CA6: variants seen among roughly 807,000 people sequenced by gnomAD.
CA6 encodes the protein carbonate dehydratase VI.
CA6 carries 28 observed loss-of-function variants against 35.9 expected under a neutral mutation model. That is an observed-to-expected ratio of 0.78 (90% CI 0.58 to 1.07). The LOEUF (loss-of-function observed/expected upper bound fraction) is 1.07, where lower values mean the gene tolerates loss of function less well. CA6 is among the 50% of genes least tolerant of loss of function. The pLI, the probability that CA6 is intolerant of heterozygous loss-of-function variation, is 0.00. For synonymous variants in CA6, 148 were observed against 152.6 expected (o/e 0.97, Z 0.22); for missense variants, 377 against 382.0 (o/e 0.99, Z 0.11).
In CA6 at chr1:8,949,290, C is replaced by G. The variant is rs965522757; in HGVS notation, c.107C>G (p.Pro36Arg). The stretch of plus-strand genomic sequence containing the variant: ...GGGGCACTGGACGAAGCGCACTGGC[C>G]ACAGCACTACCCCGCCTGTGGGGGC... Reference protein sequence around the residue: ...SEGALDEAHWPQHYPACGGQR... With the variant: ...SEGALDEAHWRQHYPACGGQR... Residue 36 changes from proline to arginine, a missense_variant, in exon 2 of 8, where the codon CCA becomes CGA. By Grantham distance (103) the Pro-to-Arg change is moderately radical (BLOSUM62 -2). Transcript: ENST00000377443. 8.7e-6 allele frequency: 14 copies of G among 1,610,724 alleles called. No individual in the cohort carries two copies. The highest frequency in any genetic ancestry group is 1.1e-5 in the Non-Finnish European group (13 of 1,178,612).
rs770123581 is a variant in CA6, at chr1:8,970,833, C to T, written c.730-34C>T. 9.4e-6 allele frequency: 12 copies of T among 1,279,660 alleles called. 1 individual carries two copies. The South Asian group carries it at 1.1e-4, about 11-fold the overall frequency. The allele number at this position is 1,279,660 out of a possible 1,614,324, so 79.3% of individuals were successfully genotyped here. Reference sequence around the variant, plus strand: ...ATTTCTTTTAAATTACCCAGTGACTCTTCCCCTCCATAATGCACTCACGTT... The same window carrying T: ...ATTTCTTTTAAATTACCCAGTGACTTTTCCCCTCCATAATGCACTCACGTT... On this transcript the variant is annotated intron_variant, in intron 6 of 7. Coordinates refer to ENST00000377443, the MANE Select transcript of CA6 (RefSeq NM_001215.4).
In CA6 at chr1:8,963,723, G is replaced by T. The variant is rs1639901311; in HGVS notation, c.571+1067G>T. On this transcript the variant is annotated intron_variant, in intron 5 of 7. Transcript: ENST00000377443. This position sits in a 1 kb window ranked among gnomAD's most constrained non-coding sequence, Gnocchi z 4.1. ...CTTGGCTGGTTTTTTTGTATTTTCA[G>T]TAGAGACAGGGTCTCACCATGTTCT... Among the ~76,000 whole-genome samples the T allele has an allele frequency of 6.6e-6, 1 of 151,888 alleles. No individual in the cohort carries two copies. Among genetic ancestry groups the T allele is most frequent in the Admixed American group, 6.6e-5 (1 of 15,230 alleles).
chr1:8,974,062 C>G (rs1479209904), intron 7 of CA6, among the ~76,000 whole-genome samples: 9 of 152,020 alleles, frequency 5.9e-5, no homozygotes, highest in African/African-American at 2.2e-4. Flanking sequence ...TGAGCTCAAG[C>G]AATCCACCCA....
At chr1:8,962,092 A>G (rs911512635) in intron 4 of CA6, among the ~76,000 whole-genome samples, 1 of 152,146 alleles carries the variant, frequency 6.6e-6, no homozygotes, top group Admixed American at 6.5e-5. Context: ...ATACAAAAAA[A>G]TTAGCCAGGT....
chr1:8,952,311 A>AT (rs1367241160), intron 2 of CA6: 1 of 150,370 alleles, frequency 6.7e-6, no homozygotes, highest in Non-Finnish European at 1.5e-5. Context: ...TAATTTTTGT[A>AT]TTTTTTGTAG....
At chr1:8,965,811 C>T (rs1333153111) in intron 5 of CA6, among the ~76,000 whole-genome samples, 10 of 151,066 alleles carry the variant, frequency 6.6e-5, no homozygotes, top group Non-Finnish European at 1.0e-4. Flanking sequence ...CGCTTGAACC[C>T]GGGAGGCAGA....
intron 1 of CA6, among the ~76,000 whole-genome samples, chr1:8,948,415 A>T (rs190455275): frequency 3.8e-4 from 58 of 152,080 alleles, no homozygotes; most frequent in Non-Finnish European, 6.6e-4. Context: ...GTTTCCCTGA[A>T]TCCATAAGTG....
chr1:8,967,154 C>G (rs1639991813), intron 5 of CA6, among the ~76,000 whole-genome samples: 1 of 152,096 alleles, frequency 6.6e-6, no homozygotes, highest in Non-Finnish European at 1.5e-5. Flanking sequence ...TGTCTACCCA[C>G]TTCTCAATGA....
chr1:8,946,805 G>GTTT (rs60046591), intron 1 of CA6, among the ~76,000 whole-genome samples: 1,277 of 102,014 alleles, frequency 0.013, 37 homozygotes, highest in African/African-American at 0.048. Flanking sequence ...TTTTTTTTTT[G>GTTT]TTTTTTTTTT....
At chr1:8,965,801 C>A (rs867217050) in intron 5 of CA6, among the ~76,000 whole-genome samples, 1 of 151,212 alleles carries the variant, frequency 6.6e-6, no homozygotes, top group Non-Finnish European at 1.5e-5. Context: ...GCGGGAGAAT[C>A]GCTTGAACCC....
intron 1 of CA6, among the ~76,000 whole-genome samples, chr1:8,947,850 C>CTTTTTTTTTTT (rs527410056): frequency 1.1e-4 from 15 of 140,584 alleles, no homozygotes; most frequent in African/African-American, 3.0e-4. Context: ...GTACAGACAC[C>CTTTTTTTTTTT]TTTTTTTTTT....
chr1:8,955,087 T>C (rs1402650068), intron 2 of CA6, among the ~76,000 whole-genome samples: 1 of 97,334 alleles, frequency 1.0e-5, no homozygotes, highest in African/African-American at 3.3e-5. Flanking sequence ...GATCCATTAA[T>C]ATATATTGCC....
At position 8,963,411 on chromosome 1, in the gene CA6, C is replaced by T. The variant is rs1162607673; in HGVS notation, c.571+755C>T. ...CACCCTCTAGCCCTCACCCCTCCAC[C>T]CCTCCACAAACTCACCTGGCAAATC... On this transcript the variant is annotated intron_variant, in intron 5 of 7. Coordinates refer to ENST00000377443, the MANE Select transcript of CA6 (RefSeq NM_001215.4). The surrounding 1 kb of genome is among the most constrained non-coding windows in gnomAD (Gnocchi z 4.1). Among the ~76,000 whole-genome samples the T allele has an allele frequency of 6.6e-6, 1 of 152,154 alleles. No homozygotes were observed. Among genetic ancestry groups the T allele is most frequent in the African/African-American group, 2.4e-5 (1 of 41,430 alleles).
intron 2 of CA6, among the ~76,000 whole-genome samples, chr1:8,949,694 C>T (rs1639474219): frequency 2.0e-5 from 3 of 152,070 alleles, no homozygotes; most frequent in Admixed American, 1.3e-4. Flanking sequence ...TCCTCTTACC[C>T]GAGCTCACCC....
Position 8,974,815 on chromosome 1 carries a change from G to C in CA6, c.*111G>C. ...TTGTCTAAGAAACCATGTGTGTCTG[G>C]AACACGCTGCTCCCCCTGGGGCAGC... On this transcript the variant is annotated 3_prime_UTR_variant, in exon 8 of 8. Coordinates refer to ENST00000377443, the MANE Select transcript of CA6 (RefSeq NM_001215.4). 1 of 603,620 alleles carries C rather than the reference G, an allele frequency of 1.7e-6. No individual in the cohort carries two copies. The highest frequency in any genetic ancestry group is 2.8e-6 in the Non-Finnish European group (1 of 353,988). The allele number at this position is 603,620 out of a possible 1,614,324, so 37.4% of individuals were successfully genotyped here.
chr1:8,967,897 C>A (rs1380278629), intron 6 of CA6, 81 bp downstream of exon 6: 1 of 1,315,338 alleles, frequency 7.6e-7, no homozygotes, highest in Non-Finnish European at 1.1e-6. Flanking sequence ...TCTCAACGAA[C>A]GTCAACAACT....
intron 5 of CA6, among the ~76,000 whole-genome samples, chr1:8,966,298 CG>C (rs1445568587): frequency 6.6e-6 from 1 of 151,734 alleles, no homozygotes; most frequent in Admixed American, 6.6e-5. Flanking sequence ...TTAGTAGAGA[CG>C]GGGTTTCATC....
intron 4 of CA6, among the ~76,000 whole-genome samples, chr1:8,960,058 C>T (rs1639798176): frequency 1.3e-5 from 2 of 151,572 alleles, no homozygotes; most frequent in South Asian, 4.2e-4. Context: ...ATGGGGAAAC[C>T]CCATCTCTAC....
In CA6 at chr1:8,958,910, A is replaced by G. The variant is rs754811058; in HGVS notation, c.409A>G (p.Ile137Val). The G allele has an allele frequency of 1.3e-6, 2 of 1,581,576 alleles. No homozygotes were observed. The highest frequency in any genetic ancestry group is 2.2e-5 in the East Asian group (1 of 44,638). The change falls in exon 4 of 8, where the codon ATT becomes GTT. Residue 137 changes from isoleucine (I) to valine (V), a missense_variant and splice_region_variant. Physicochemically the swap from Ile to Val is conservative, Grantham distance 29 (BLOSUM62 3). Transcript: ENST00000377443. ...TVDGIRHVIE[I>V]HIVHYNSKYK... ...GACCCACTCTACCTTGCTCTTACAG[A>G]TTCACATTGTTCACTACAATTCTAA...
Sources: allele counts gnomAD v4.1 joint callset (sites outside exome capture counted in the v4.1 genomes callset), GRCh38; gene constraint gnomAD v4.1.1; non-coding constraint Gnocchi (gnomAD v3.1); transcripts MANE v1.5; gene names NCBI Gene and HGNC (gene_info 2026-07-23, HGNC 2026-07-21).